PCDH15: variants seen among roughly 807,000 people sequenced by gnomAD.
The protein encoded by PCDH15 is protocadherin related 15.
A neutral mutation model predicts 178.5 loss-of-function variants in PCDH15; 129 were observed. The ratio of observed to expected loss-of-function variants is 0.72; its 90% CI spans 0.63 to 0.84. PCDH15 has a LOEUF of 0.84. Ranked by LOEUF, PCDH15 falls within the 40% of genes least tolerant of loss-of-function variation. The pLI, the probability that PCDH15 is intolerant of heterozygous loss-of-function variation, is 0.00. For missense variants in PCDH15, 2,230 were observed against 2,099.9 expected (o/e 1.06, Z -1.21); for synonymous variants, 800 against 732.0 (o/e 1.09, Z -1.50).
At chr10:55,357,598 G>A (rs192432494) in intron 2 of PCDH15, among the ~76,000 whole-genome samples, 1 of 152,052 alleles carries the variant, frequency 6.6e-6, no homozygotes, top group Non-Finnish European at 1.5e-5. Context: ...GAATTAGACA[G>A]TATCTATAAA....
At chr10:54,693,648 A>C (rs986140507) in intron 1 of PCDH15, among the ~76,000 whole-genome samples, 1 of 152,134 alleles carries the variant, frequency 6.6e-6, no homozygotes, top group Non-Finnish European at 1.5e-5. Flanking sequence ...GTATTTTTCT[A>C]TCACACCTTT....
chr10:55,283,863 A>G (rs1842797686), intron 1 of PCDH15, among the ~76,000 whole-genome samples: 1 of 152,114 alleles, frequency 6.6e-6, no homozygotes, highest in African/African-American at 2.4e-5. Flanking sequence ...AACAACTCAT[A>G]GAAATACTTT....
chr10:55,058,087 G>A (rs181764360), intron 2 of PCDH15, among the ~76,000 whole-genome samples: 1 of 152,044 alleles, frequency 6.6e-6, no homozygotes, highest in Admixed American at 6.6e-5. Flanking sequence ...ATTATGAAAG[G>A]TATTTAAAAA....
intron 2 of PCDH15, among the ~76,000 whole-genome samples, chr10:55,609,046 GCA>G (rs1307874129): frequency 1.7e-4 from 22 of 128,880 alleles, no homozygotes; most frequent in African/African-American, 5.5e-4. Context: ...ACACACACAC[GCA>G]CACACATATA....
chr10:55,063,255 G>C (rs757525677), intron 2 of PCDH15, among the ~76,000 whole-genome samples: 1 of 152,008 alleles, frequency 6.6e-6, no homozygotes, highest in African/African-American at 2.4e-5. Flanking sequence ...AAACCTGGAC[G>C]TTTTATAAAA....
At chr10:54,083,515 G>A (rs1329025335) in intron 16 of PCDH15, among the ~76,000 whole-genome samples, 1 of 152,150 alleles carries the variant, frequency 6.6e-6, no homozygotes, top group East Asian at 1.9e-4. Context: ...CTACAAAAAA[G>A]AAGCTAGACA....
chr10:54,296,316 G>C (rs2059783973), intron 8 of PCDH15, among the ~76,000 whole-genome samples: 1 of 151,970 alleles, frequency 6.6e-6, no homozygotes, highest in African/African-American at 2.4e-5. Context: ...GCTGAGCCGA[G>C]GGTAGACAGA....
chr10:54,777,200 T>C (rs1949802414), intron 1 of PCDH15, among the ~76,000 whole-genome samples: 1 of 152,154 alleles, frequency 6.6e-6, no homozygotes, highest in Non-Finnish European at 1.5e-5. Flanking sequence ...TGTCCTGCCT[T>C]AAGACAATCG....
intron 1 of PCDH15, among the ~76,000 whole-genome samples, chr10:54,775,436 G>A (rs1949580986): frequency 6.6e-6 from 1 of 152,126 alleles, no homozygotes; most frequent in African/African-American, 2.4e-5. Flanking sequence ...TCAGATCAGG[G>A]TAATTAGCAT....
intron 15 of PCDH15, among the ~76,000 whole-genome samples, chr10:54,098,190 TTGTGTGTGTG>T (rs35596789): frequency 0.059 from 8,484 of 143,174 alleles, 395 homozygotes; most frequent in African/African-American, 0.13. Context: ...GAAAATAAAG[TTGTGTGTGTG>T]TGTGTGTGTG....
intron 22 of PCDH15, 85 bp from the exon 23 acceptor site, chr10:53,959,929 T>C: frequency 3.8e-6 from 4 of 1,042,734 alleles, no homozygotes; most frequent in East Asian, 2.6e-5. Context: ...TTTTTACTTA[T>C]TGGATTGCCT....
intron 2 of PCDH15, among the ~76,000 whole-genome samples, chr10:54,938,225 AT>A (rs969599959): frequency 2.6e-5 from 4 of 151,090 alleles, no homozygotes; most frequent in South Asian, 2.1e-4. Context: ...ATTAAGTGAA[AT>A]TTTTTTGTCT....
chr10:55,026,247 GATA>G (rs938010210), intron 2 of PCDH15, among the ~76,000 whole-genome samples: 1 of 134,208 alleles, frequency 7.5e-6, no homozygotes, highest in Non-Finnish European at 1.6e-5. Context: ...TGTTAACATA[GATA>G]ATAATTATTC....
At chr10:55,196,069 C>T (rs957081921) in intron 1 of PCDH15, among the ~76,000 whole-genome samples, 7 of 152,112 alleles carry the variant, frequency 4.6e-5, no homozygotes, top group African/African-American at 1.7e-4. Flanking sequence ...TCCTTCCTTA[C>T]TGTTCTTAAT....
intron 2 of PCDH15, among the ~76,000 whole-genome samples, chr10:55,491,502 T>C (rs1288079700): frequency 6.6e-6 from 1 of 151,550 alleles, no homozygotes; most frequent in Admixed American, 6.6e-5. Context: ...CACCTTTACC[T>C]AGTTAGTGGG....
At chr10:54,953,826 A>G (rs1313983972) in intron 2 of PCDH15, among the ~76,000 whole-genome samples, 1 of 151,278 alleles carries the variant, frequency 6.6e-6, no homozygotes, top group East Asian at 1.9e-4. Flanking sequence ...TATTTTAAAC[A>G]TTTTTATCTT....
At chr10:54,289,404 A>G (rs1226369092) in intron 8 of PCDH15, among the ~76,000 whole-genome samples, 3 of 152,246 alleles carry the variant, frequency 2.0e-5, no homozygotes, top group African/African-American at 7.2e-5. Flanking sequence ...ACCAACATCA[A>G]AGACCAAAGG....
chr10:54,635,380 A>G (rs1204716549), intron 2 of PCDH15, among the ~76,000 whole-genome samples: 1 of 112,414 alleles, frequency 8.9e-6, no homozygotes, highest in Non-Finnish European at 2.2e-5. Context: ...AATTCATCTC[A>G]TATATGTATA....
intron 1 of PCDH15, among the ~76,000 whole-genome samples, chr10:54,704,163 C>G (rs1222827576): frequency 6.6e-6 from 1 of 152,078 alleles, no homozygotes; most frequent in Non-Finnish European, 1.5e-5. Context: ...TAGAAGATAA[C>G]CCAAGAAATA....
Sources: allele counts gnomAD v4.1 joint callset (sites outside exome capture counted in the v4.1 genomes callset), GRCh38; gene constraint gnomAD v4.1.1; transcripts MANE v1.5; gene names NCBI Gene and HGNC (gene_info 2026-07-23, HGNC 2026-07-21).